The following RASA1 variants were observed in gnomAD, a reference collection of about 807,000 sequenced individuals.
RASA1 encodes the protein RAS p21 protein activator 1, also known as ras GTPase-activating protein 1.
RASA1 carries 25 observed loss-of-function variants against 132.2 expected under a neutral mutation model. The ratio of observed to expected loss-of-function variants is 0.19; its 90% CI spans 0.14 to 0.26. RASA1 has a LOEUF of 0.26. Among genes scored for constraint, RASA1 ranks in the 10% least tolerant of loss-of-function variants. RASA1 has a pLI of 1.00. For missense variants in RASA1, 964 were observed against 1,299.2 expected, an observed-to-expected ratio of 0.74 and a Z score of 3.97; for synonymous variants, 477 against 449.9, an observed-to-expected ratio of 1.06 and a Z score of -0.76.
rs991646015 is a variant in RASA1, at chr5:87,268,340, C to G, written c.-112C>G. On this transcript the variant is annotated 5_prime_UTR_variant, in exon 1 of 25. Coordinates refer to ENST00000274376, the MANE Select transcript of RASA1 (RefSeq NM_002890.3). ...TCTCCTTTTGTTGTTGTTTCCTCAGCCTGGGGAGCTGAAGGGGAGACGCGT... is the reference window on the plus strand; with the variant it reads ...TCTCCTTTTGTTGTTGTTTCCTCAGGCTGGGGAGCTGAAGGGGAGACGCGT... 1.5e-6 allele frequency: 2 copies of G among 1,304,892 alleles called. No individual in the cohort carries two copies. Among genetic ancestry groups the G allele is most frequent in the Non-Finnish European group, 2.0e-6 (2 of 979,674 alleles). The allele number at this position is 1,304,892 out of a possible 1,614,324, so 80.8% of individuals were successfully genotyped here.
chr5:87,356,358 C>G (rs1382319031), intron 9 of RASA1, among the ~76,000 whole-genome samples: 1 of 152,048 alleles, frequency 6.6e-6, no homozygotes, highest in Non-Finnish European at 1.5e-5. Flanking sequence ...AAGATTATGA[C>G]TCACTGACGT....
At chr5:87,302,534 TTC>T (rs910134173) in intron 1 of RASA1, among the ~76,000 whole-genome samples, 3 of 151,788 alleles carry the variant, frequency 2.0e-5, no homozygotes, top group African/African-American at 7.3e-5. Context: ...TATCAGTTTT[TTC>T]TCTCTTTGTG....
At chr5:87,319,454 A>G (rs563148123) in intron 1 of RASA1, among the ~76,000 whole-genome samples, 1 of 152,256 alleles carries the variant, frequency 6.6e-6, no homozygotes, top group African/African-American at 2.4e-5. Context: ...GAGGCTCCCA[A>G]ACCTCTTCTC....
At chr5:87,326,859 TGC>T (rs1757267935) in intron 1 of RASA1, among the ~76,000 whole-genome samples, 1 of 152,212 alleles carries the variant, frequency 6.6e-6, no homozygotes, top group African/African-American at 2.4e-5. Flanking sequence ...CTAAAATTAA[TGC>T]CTTAGTAGAA....
intron 1 of RASA1, among the ~76,000 whole-genome samples, chr5:87,276,422 G>A (rs1309878504): frequency 6.6e-6 from 1 of 152,178 alleles, no homozygotes; most frequent in East Asian, 1.9e-4. Context: ...TGATAACTAT[G>A]TATGTCTTGT....
At position 87,332,487 on chromosome 5, in the gene RASA1, A is replaced by G. The variant is rs992950713; in HGVS notation, c.693-20A>G. On this transcript the variant is annotated intron_variant, in intron 2 of 24. Transcript: ENST00000274376. ...GGCTGTAAAGATTTTTTTATACTGT[A>G]TTTTTTCCTGTTCAAATAGGATTAT... 7.5e-6 allele frequency: 12 copies of G among 1,597,016 alleles called. No homozygotes were observed. The highest frequency in any genetic ancestry group is 9.4e-6 in the Non-Finnish European group (11 of 1,166,744).
intron 11 of RASA1, among the ~76,000 whole-genome samples, chr5:87,367,480 A>G (rs1760611675): frequency 6.6e-6 from 1 of 152,166 alleles, no homozygotes; most frequent in Non-Finnish European, 1.5e-5. Flanking sequence ...CTGATGCTGA[A>G]CGAATGTTGG....
At chr5:87,299,177 T>C (rs1178866134) in intron 1 of RASA1, among the ~76,000 whole-genome samples, 1 of 152,208 alleles carries the variant, frequency 6.6e-6, no homozygotes, top group African/African-American at 2.4e-5. Flanking sequence ...CTTTCTTGTT[T>C]AACTCTGCTT....
chr5:87,335,323 T>C (rs1757884631), intron 4 of RASA1, among the ~76,000 whole-genome samples: 1 of 152,136 alleles, frequency 6.6e-6, no homozygotes, highest in Non-Finnish European at 1.5e-5. Flanking sequence ...GAGTAAAAAT[T>C]TGAATTTTAG....
intron 7 of RASA1, among the ~76,000 whole-genome samples, chr5:87,348,262 G>C (rs1759005395): frequency 6.6e-6 from 1 of 151,968 alleles, no homozygotes; most frequent in Admixed American, 6.6e-5. Context: ...CTTCATAAGT[G>C]CCTTGATTGG....
At chr5:87,336,468 C>T (rs1363100954) in intron 4 of RASA1, among the ~76,000 whole-genome samples, 1 of 151,788 alleles carries the variant, frequency 6.6e-6, no homozygotes, top group Non-Finnish European at 1.5e-5. Context: ...TTATACACAC[C>T]TGTGGATTTT....
At chr5:87,384,765 G>A (rs1761951594) in intron 21 of RASA1, among the ~76,000 whole-genome samples, 1 of 152,040 alleles carries the variant, frequency 6.6e-6, no homozygotes, top group Admixed American at 6.6e-5. Flanking sequence ...AGTGCTTCCT[G>A]ACTTACCTTT....
chr5:87,347,677 A>G (rs1210638656), intron 7 of RASA1, among the ~76,000 whole-genome samples: 1 of 151,992 alleles, frequency 6.6e-6, no homozygotes, highest in Non-Finnish European at 1.5e-5. Context: ...GAAGTACTCA[A>G]TTTTATTGTG....
At chr5:87,296,634 C>G (rs943034534) in intron 1 of RASA1, among the ~76,000 whole-genome samples, 1 of 152,044 alleles carries the variant, frequency 6.6e-6, no homozygotes, top group African/African-American at 2.4e-5. Flanking sequence ...TAATTTCATT[C>G]TACTCTCCTG....
chr5:87,267,993 C>T lies in RASA1; in HGVS notation c.-459C>T, dbSNP rs1753640951. 3.2e-6 allele frequency: 1 copy of T among 308,702 alleles called. No individual in the cohort carries two copies. The highest frequency in any genetic ancestry group is 5.8e-6 in the Non-Finnish European group (1 of 173,806). The allele number at this position is 308,702 out of a possible 1,614,324, so 19.1% of individuals were successfully genotyped here. A position where few individuals can be genotyped will look rare whatever the true frequency, so the allele number is the denominator to read the frequency against. ...ATCTGCCTGGTGGAGGATGAAGCGGCTGCAGTGGCCCCAGCCTCAGCAGCG... is the reference window on the plus strand; with the variant it reads ...ATCTGCCTGGTGGAGGATGAAGCGGTTGCAGTGGCCCCAGCCTCAGCAGCG... On this transcript the variant is annotated 5_prime_UTR_variant, in exon 1 of 25. Coordinates refer to ENST00000274376, the MANE Select transcript of RASA1 (RefSeq NM_002890.3).
At chr5:87,353,510 A>G (rs1759431952) in intron 9 of RASA1, among the ~76,000 whole-genome samples, 1 of 152,034 alleles carries the variant, frequency 6.6e-6, no homozygotes. Context: ...TTTGGAGGCA[A>G]AAGTAGAGAC....
intron 1 of RASA1, among the ~76,000 whole-genome samples, chr5:87,306,139 A>T (rs1320094578): frequency 6.6e-6 from 1 of 151,996 alleles, no homozygotes; most frequent in Non-Finnish European, 1.5e-5. Flanking sequence ...AGGAATATAA[A>T]TCACTCTATT....
At position 87,373,509 on chromosome 5, in the gene RASA1, G is replaced by T. The variant is rs147811613; in HGVS notation, c.1777-654G>T. On this transcript the variant is annotated intron_variant, in intron 13 of 24. Coordinates refer to ENST00000274376, the MANE Select transcript of RASA1 (RefSeq NM_002890.3). ...TAGTTTGTAATACTTATTACAACCT[G>T]TAGTGTAGACTTTATACTTACATAT... Among the ~76,000 whole-genome samples the T allele has an allele frequency of 3.3e-5, 5 of 152,224 alleles. No homozygotes were observed. The South Asian group carries it at 1.0e-3, about 32-fold the overall frequency.
intron 7 of RASA1, among the ~76,000 whole-genome samples, chr5:87,347,450 CATCTT>C (rs1758944100): frequency 6.6e-6 from 1 of 151,976 alleles, no homozygotes; most frequent in Non-Finnish European, 1.5e-5. Flanking sequence ...TGGCAAACCA[CATCTT>C]ATAAAGATTT....
Sources: allele counts gnomAD v4.1 joint callset (sites outside exome capture counted in the v4.1 genomes callset), GRCh38; gene constraint gnomAD v4.1.1; transcripts MANE v1.5; gene names NCBI Gene and HGNC (gene_info 2026-07-23, HGNC 2026-07-21).